GALNT13: variants seen among roughly 807,000 people sequenced by gnomAD.
GALNT13 encodes the protein polypeptide N-acetylgalactosaminyltransferase 13, also known as UDP-GalNAc:polypeptide N-acetylgalactosaminyltransferase 13.
In GALNT13, 28 loss-of-function variants were observed where a neutral mutation model predicts 64.2. That is an observed-to-expected ratio of 0.44 (90% confidence interval 0.32 to 0.60). The LOEUF (loss-of-function observed/expected upper bound fraction) is 0.60, where lower values mean the gene tolerates loss of function less well. Ranked by LOEUF, GALNT13 falls within the 20% of genes least tolerant of loss-of-function variation. The pLI is 0.05. For synonymous variants in GALNT13, 214 were observed against 224.6 expected, an observed-to-expected ratio of 0.95 and a Z score of 0.42; for missense variants, 577 against 669.8, an observed-to-expected ratio of 0.86 and a Z score of 1.53.
chr2:153,321,510 G>A, the GALNT13 span, among the ~76,000 whole-genome samples: 1 of 152,214 alleles, frequency 6.6e-6, no homozygotes, highest in East Asian at 1.9e-4. Flanking sequence ...ATACAAAAAA[G>A]TAAAAATCTA....
At chr2:153,077,315 A>G in the GALNT13 span, among the ~76,000 whole-genome samples, 6 of 152,122 alleles carry the variant, frequency 3.9e-5, no homozygotes, top group South Asian at 1.0e-3. Context: ...TTGGAATTCT[A>G]TTATATTTAT....
At chr2:153,630,795 ATATATATATATATTT>A in the GALNT13 span, among the ~76,000 whole-genome samples, 30 of 13,950 alleles carry the variant, frequency 2.2e-3, no homozygotes, top group South Asian at 3.8e-3. Flanking sequence ...ATATATATAT[ATATATATATATATTT>A]TTTTTTTTTT....
At chr2:153,905,716 C>T (rs1688515084) in intron 2 of GALNT13, among the ~76,000 whole-genome samples, 1 of 151,980 alleles carries the variant, frequency 6.6e-6, no homozygotes, top group Non-Finnish European at 1.5e-5. Context: ...TACCATAGAG[C>T]TTAGCAACGT....
chr2:153,955,699 C>T (rs1339099483), intron 3 of GALNT13, among the ~76,000 whole-genome samples: 1 of 152,106 alleles, frequency 6.6e-6, no homozygotes, highest in Non-Finnish European at 1.5e-5. Flanking sequence ...CTCAGTTTTG[C>T]CCAGGAAAGA....
chr2:154,309,653 A>G (rs997038432), intron 9 of GALNT13, among the ~76,000 whole-genome samples: 2 of 152,170 alleles, frequency 1.3e-5, no homozygotes, highest in African/African-American at 4.8e-5. Context: ...TATTCATGAG[A>G]GATCCACTCC....
chr2:153,083,976 C>A, the GALNT13 span, among the ~76,000 whole-genome samples: 1 of 152,130 alleles, frequency 6.6e-6, no homozygotes, highest in South Asian at 2.1e-4. Context: ...TATCCCAGCA[C>A]CATTTGTTGT....
the GALNT13 span, among the ~76,000 whole-genome samples, chr2:153,548,707 C>T: frequency 6.6e-6 from 1 of 152,182 alleles, no homozygotes. Context: ...ATGGTTCAGT[C>T]AGACATGCAC....
At chr2:153,342,687 TC>T in the GALNT13 span, among the ~76,000 whole-genome samples, 3 of 152,206 alleles carry the variant, frequency 2.0e-5, no homozygotes, top group Admixed American at 6.5e-5. Context: ...TCCCTCCTCT[TC>T]CTGCTCCTCT....
At chr2:154,033,446 A>T (rs568502332) in intron 3 of GALNT13, among the ~76,000 whole-genome samples, 1 of 152,216 alleles carries the variant, frequency 6.6e-6, no homozygotes, top group South Asian at 2.1e-4. Context: ...AGAATATATA[A>T]AGAACTCATA....
the GALNT13 span, among the ~76,000 whole-genome samples, chr2:153,236,770 C>G: frequency 1.6e-4 from 25 of 152,176 alleles, no homozygotes; most frequent in African/African-American, 5.8e-4. Flanking sequence ...TGTCTGCTAA[C>G]ACAACGTTCA....
At chr2:153,261,348 G>A in the GALNT13 span, among the ~76,000 whole-genome samples, 2 of 152,148 alleles carry the variant, frequency 1.3e-5, no homozygotes, top group Non-Finnish European at 1.5e-5. Context: ...TATCCTTTTC[G>A]AGGACATTCC....
chr2:153,208,507 A>C, the GALNT13 span, among the ~76,000 whole-genome samples: 3 of 152,094 alleles, frequency 2.0e-5, no homozygotes, highest in African/African-American at 7.2e-5. Context: ...TTCACTGCCA[A>C]ATAATATTTC....
chr2:154,304,315 A>G (rs577944249), intron 9 of GALNT13, among the ~76,000 whole-genome samples: 2 of 152,332 alleles, frequency 1.3e-5, no homozygotes, highest in African/African-American at 4.8e-5. Flanking sequence ...CAGCAAGAGC[A>G]TGTAATATTC....
chr2:154,437,407 T>A (rs1232705840), intron 11 of GALNT13: 23 of 499,694 alleles, frequency 4.6e-5, no homozygotes, highest in Non-Finnish European at 6.8e-5. Context: ...TTCCTCAGAT[T>A]TCATCAGATA....
chr2:154,417,513 A>ATTTTTTTTTTTTTTTTT (rs1387223429), intron 11 of GALNT13, among the ~76,000 whole-genome samples: 7 of 130,282 alleles, frequency 5.4e-5, no homozygotes, highest in African/African-American at 9.9e-5. Flanking sequence ...TTATTTATTT[A>ATTTTTTTTTTTTTTTTT]TTTATTTATT....
chr2:154,028,877 A>G (rs1452443880), intron 3 of GALNT13, among the ~76,000 whole-genome samples: 1 of 152,070 alleles, frequency 6.6e-6, no homozygotes, highest in African/African-American at 2.4e-5. Flanking sequence ...AAAAACTAGA[A>G]AGTTTGCAGA....
At chr2:153,508,945 C>T in the GALNT13 span, among the ~76,000 whole-genome samples, 1 of 152,160 alleles carries the variant, frequency 6.6e-6, no homozygotes, top group Non-Finnish European at 1.5e-5. Context: ...GCCGTTAGCC[C>T]TATCACCCTG....
chr2:153,916,653 G>A (rs984243063), intron 2 of GALNT13, among the ~76,000 whole-genome samples: 2 of 152,144 alleles, frequency 1.3e-5, no homozygotes, highest in Non-Finnish European at 2.9e-5. Context: ...GATAGAATAT[G>A]ATAATATATT....
At chr2:153,807,057 G>A in the GALNT13 span, among the ~76,000 whole-genome samples, 2 of 152,020 alleles carry the variant, frequency 1.3e-5, no homozygotes, top group Admixed American at 6.6e-5. Flanking sequence ...TTATCTGCGT[G>A]TTGGTTACAA....
Sources: allele counts gnomAD v4.1 joint callset (sites outside exome capture counted in the v4.1 genomes callset), GRCh38; gene constraint gnomAD v4.1.1; transcripts MANE v1.5; gene names NCBI Gene and HGNC (gene_info 2026-07-23, HGNC 2026-07-21).